SMCHD1: variants seen among roughly 807,000 people sequenced by gnomAD.
SMCHD1 encodes structural maintenance of chromosomes flexible hinge domain-containing protein 1.
Under a neutral mutation model 254.7 loss-of-function variants are expected in SMCHD1, and 78 were observed. The observed-to-expected ratio is 0.31, with a 90% CI of 0.26 to 0.37. The LOEUF (loss-of-function observed/expected upper bound fraction) is 0.37, where lower values mean the gene tolerates loss of function less well. Among genes scored for constraint, SMCHD1 ranks in the 10% least tolerant of loss-of-function variants. The pLI, the probability that SMCHD1 is intolerant of heterozygous loss-of-function variation, is 1.00. For synonymous variants in SMCHD1, 766 were observed against 794.9 expected, an observed-to-expected ratio of 0.96 and a Z score of 0.61; for missense variants, 1,840 against 2,408.1, an observed-to-expected ratio of 0.76 and a Z score of 4.94.
At position 2,707,912 on chromosome 18, in the gene SMCHD1, T is replaced by A. The variant is rs1352932249; in HGVS notation, c.2252T>A (p.Ile751Asn). The A allele has an allele frequency of 6.3e-7, 1 of 1,582,986 alleles. No individual in the cohort carries two copies. The highest frequency in any genetic ancestry group is 8.6e-7 in the Non-Finnish European group (1 of 1,162,380). Residue 751 changes from isoleucine (I) to asparagine (N), a missense_variant, in exon 17 of 48, where the codon ATT (isoleucine) becomes AAT (asparagine). By Grantham distance (149) the Ile-to-Asn change is moderately radical. Coordinates refer to ENST00000320876, the MANE Select transcript of SMCHD1 (RefSeq NM_015295.3). The part of the protein sequence containing the change: ...SKKLLVELKV[I>N]LHSSSGNKEI... ...AAACTCCTGGTTGAGCTCAAAGTTA[T>A]TTTACATTGTAAGTATACAAACTAA...
At chr18:2,695,004 G>A (rs1479800392) in intron 8 of SMCHD1, among the ~76,000 whole-genome samples, 2 of 152,022 alleles carry the variant, frequency 1.3e-5, no homozygotes, top group Non-Finnish European at 2.9e-5. Context: ...ACCCCGTTTT[G>A]TGCTTCTTTT....
At chr18:2,774,876 G>A (rs1367185292) in intron 41 of SMCHD1, among the ~76,000 whole-genome samples, 1 of 152,228 alleles carries the variant, frequency 6.6e-6, no homozygotes, top group East Asian at 1.9e-4. Context: ...GAACAAGAAT[G>A]CTTGTTGATG....
chr18:2,776,089 A>G (rs566929094), intron 42 of SMCHD1, among the ~76,000 whole-genome samples, 165 bp downstream of exon 42: 1 of 152,314 alleles, frequency 6.6e-6, no homozygotes, highest in African/African-American at 2.4e-5. Flanking sequence ...TTTTCACTGC[A>G]TATGCTGGCT....
At chr18:2,769,669 C>G (rs1159508727) in intron 37 of SMCHD1, 25 bp from the exon 38 acceptor site, 1 of 1,574,062 alleles carries the variant, frequency 6.4e-7, no homozygotes, top group Admixed American at 1.9e-5. Context: ...TCTTGTTTTC[C>G]CCTATTGTTT....
intron 45 of SMCHD1, among the ~76,000 whole-genome samples, chr18:2,795,055 G>GT (rs1555658570): frequency 2.0e-5 from 3 of 147,204 alleles, no homozygotes; most frequent in Non-Finnish European, 4.5e-5. Flanking sequence ...TTTTTGTTTT[G>GT]TTTTGTTTTT....
At chr18:2,708,907 T>TATATATATATATATAAAAAA (rs769432583) in intron 17 of SMCHD1, among the ~76,000 whole-genome samples, 2 of 44,700 alleles carry the variant, frequency 4.5e-5, no homozygotes, top group Admixed American at 3.0e-4. Flanking sequence ...TATATATATA[T>TATATATATATATATAAAAAA]AACATATTAA....
At chr18:2,787,831 A>G (rs565736660) in intron 45 of SMCHD1, among the ~76,000 whole-genome samples, 1 of 152,358 alleles carries the variant, frequency 6.6e-6, no homozygotes, top group South Asian at 2.1e-4. Flanking sequence ...AATAGCAGCC[A>G]TGCATGACTA....
chr18:2,685,159 G>T (rs1289923127), intron 5 of SMCHD1, among the ~76,000 whole-genome samples: 2 of 131,780 alleles, frequency 1.5e-5, no homozygotes, highest in Non-Finnish European at 3.1e-5. Flanking sequence ...GACTGCAGTG[G>T]TGCTATCTCG....
chr18:2,784,947 TAAAA>T, intron 45 of SMCHD1: 2 of 325,830 alleles, frequency 6.1e-6, no homozygotes, highest in Non-Finnish European at 1.2e-5. Context: ...CTCCATCTCT[TAAAA>T]AAAAAAAAAG....
chr18:2,728,258 A>C, intron 22 of SMCHD1, 199 bp from the exon 23 acceptor site: 1 of 515,410 alleles, frequency 1.9e-6, no homozygotes, highest in Non-Finnish European at 3.4e-6. Context: ...ATTTTATACA[A>C]TTGAGATAAG....
At chr18:2,696,880 A>G (rs991405256) in intron 8 of SMCHD1, among the ~76,000 whole-genome samples, 152 bp from the exon 9 acceptor site, 5 of 152,174 alleles carry the variant, frequency 3.3e-5, no homozygotes, top group African/African-American at 1.2e-4. Context: ...CTGCATCTCA[A>G]TTGTTTTTAC....
chr18:2,668,950 C>T (rs1450274077), intron 3 of SMCHD1, among the ~76,000 whole-genome samples: 1 of 151,902 alleles, frequency 6.6e-6, no homozygotes, highest in Non-Finnish European at 1.5e-5. Context: ...CCATAGCACA[C>T]TGTAGCCTCG....
rs8086330 is a variant in SMCHD1 at position 2,748,138 on chromosome 18, T to C, written c.3927+491T>C. Among the ~76,000 whole-genome samples, 762 of 152,268 alleles carry C rather than the reference T, an allele frequency of 5.0e-3. 5 individuals are homozygous for C. Among genetic ancestry groups the C allele is most frequent in the African/African-American group, 0.017 (712 of 41,542 alleles). On this transcript the variant is annotated intron_variant, in intron 30 of 47. Transcript: ENST00000320876. Reference sequence around the variant, plus strand: ...ATACTGATATATTTTAGGGTGAGGCTCCTGCCCTTTATTGTTCTTTTTATG... The same window carrying C: ...ATACTGATATATTTTAGGGTGAGGCCCCTGCCCTTTATTGTTCTTTTTATG...
In SMCHD1 at chr18:2,676,494, C is replaced by T. The variant is rs554159092; in HGVS notation, c.638+2349C>T. The stretch of plus-strand genomic sequence containing the variant: ...AGAAGAAGCACCAGCAAAGCAAAGA[C>T]TGAAATTGTGACAGTCTCATTTTGT... On this transcript the variant is annotated intron_variant, in intron 5 of 47. Transcript: ENST00000320876. Among the ~76,000 whole-genome samples the T allele has an allele frequency of 3.9e-5, 6 of 152,228 alleles. No homozygotes were observed. The East Asian group carries it at 1.2e-3, about 29-fold the overall frequency.
rs59034633 is a variant in SMCHD1 at position 2,679,480 on chromosome 18, C to CAAAA, written c.638+5351_638+5354dup. Among the ~76,000 whole-genome samples the CAAAA allele has an allele frequency of 5.5e-4, 32 of 58,698 alleles. 1 individual carries two copies. Among genetic ancestry groups the CAAAA allele is most frequent in the East Asian group, 2.3e-3 (2 of 874 alleles). The allele number at this position is 58,698 out of a possible 152,430, so 38.5% of individuals were successfully genotyped here. On this transcript the variant is annotated intron_variant, in intron 5 of 47. Coordinates refer to ENST00000320876, the MANE Select transcript of SMCHD1 (RefSeq NM_015295.3). ...GGGTGACAGAGCGAGACTCCATCTC[C>CAAAA]AAAAAAAAAAAAAAAAAAAGGAACT...
At position 2,784,673 on chromosome 18, in the gene SMCHD1, T is replaced by C. The variant is rs543653287; in HGVS notation, c.5719+52T>C. ...AATTTCTAATTTAATTTTACTCTTA[T>C]TTTTCTAAGAGCTTATGTTTTGAGA... On this transcript the variant is annotated intron_variant, in intron 45 of 47. Transcript: ENST00000320876. 171 of 1,456,660 alleles carry C rather than the reference T, an allele frequency of 1.2e-4. No individual in the cohort carries two copies. The Middle Eastern group carries it at 1.4e-3, about 12-fold the overall frequency. The allele number at this position is 1,456,660 out of a possible 1,614,324, so 90.2% of individuals were successfully genotyped here.
At chr18:2,743,664 T>G in intron 28 of SMCHD1, 97 bp from the exon 29 acceptor site, 1 of 751,586 alleles carries the variant, frequency 1.3e-6, no homozygotes, top group Middle Eastern at 2.5e-4. Flanking sequence ...AAGAAACACA[T>G]CTGTACGCCC....
intron 45 of SMCHD1, among the ~76,000 whole-genome samples, chr18:2,785,375 T>C (rs1469662326): frequency 6.6e-6 from 1 of 152,058 alleles, no homozygotes; most frequent in Non-Finnish European, 1.5e-5. Flanking sequence ...TTGGCCGGGC[T>C]CGATGGCTCA....
chr18:2,704,329 G>GT (rs1369047133), intron 13 of SMCHD1, among the ~76,000 whole-genome samples: 1 of 152,050 alleles, frequency 6.6e-6, no homozygotes, highest in East Asian at 1.9e-4. Context: ...AGATCTCAGT[G>GT]TTTTTTGTTT....
Sources: gnomAD v4.1 joint callset for allele counts (sites outside exome capture counted in the v4.1 genomes callset) on GRCh38, gnomAD v4.1.1 for gene constraint, MANE v1.5 for transcripts, NCBI Gene and HGNC (gene_info 2026-07-23, HGNC 2026-07-21) for gene names.